FRMPD4: variants seen among roughly 807,000 people sequenced by gnomAD.
FRMPD4 encodes the protein FERM and PDZ domain containing 4.
Under a neutral mutation model 94.1 loss-of-function variants are expected in FRMPD4, and 22 were observed. The observed-to-expected ratio is 0.23, with a 90% CI of 0.17 to 0.33. The LOEUF is 0.33. Among genes scored for constraint, FRMPD4 ranks in the 10% least tolerant of loss-of-function variants. FRMPD4 has a pLI of 1.00. For missense variants in FRMPD4, 1,111 were observed against 1,339.9 expected, an observed-to-expected ratio of 0.83 and a Z score of 2.67; for synonymous variants, 631 against 548.6, an observed-to-expected ratio of 1.15 and a Z score of -2.10.
At chrX:11,991,716 A>G (rs2054465574) in intron 3 of FRMPD4, among the ~76,000 whole-genome samples, 3 of 112,169 alleles carry the variant, frequency 2.7e-5, no homozygotes, top group Non-Finnish European at 5.6e-5. Context: ...AATTTAAGTC[A>G]TTTGCCTTTT....
chrX:12,268,291 G>A (rs1383014435), intron 1 of FRMPD4, among the ~76,000 whole-genome samples: 1 of 112,567 alleles, frequency 8.9e-6, no homozygotes, highest in Admixed American at 9.3e-5. Context: ...TGTTTGCCCA[G>A]CAAGAGGAGG....
chrX:12,164,962 T>G (rs1161625782), intron 1 of FRMPD4, among the ~76,000 whole-genome samples: 2 of 112,198 alleles, frequency 1.8e-5, no homozygotes, highest in Admixed American at 1.9e-4. Context: ...CTTTGTCAGA[T>G]GAGTAGGTTG....
chrX:12,691,586 C>CTCTCATG (rs1371960313), intron 8 of FRMPD4, among the ~76,000 whole-genome samples: 2 of 111,704 alleles, frequency 1.8e-5, no homozygotes, highest in Non-Finnish European at 3.8e-5. Flanking sequence ...TATACAGAAT[C>CTCTCATG]TCTCATGTGA....
chrX:11,862,885 T>C (rs1302125368), intron 1 of FRMPD4, among the ~76,000 whole-genome samples: 1 of 109,346 alleles, frequency 9.1e-6, no homozygotes, highest in Non-Finnish European at 1.9e-5. Flanking sequence ...TTGATGTCTA[T>C]AACTTTGTGG....
chrX:12,681,668 G>A (rs2059973043), intron 5 of FRMPD4, among the ~76,000 whole-genome samples: 1 of 106,721 alleles, frequency 9.4e-6, no homozygotes, highest in South Asian at 4.2e-4. Context: ...GGATTCTCCT[G>A]GTATTAAAGC....
In FRMPD4 at chrX:12,052,121, C is replaced by T. The variant is rs780396886; in HGVS notation, c.95+174103C>T. Among the ~76,000 whole-genome samples the T allele has an allele frequency of 3.6e-5, 4 of 111,564 alleles. No homozygotes were observed. In the South Asian group the frequency reaches 1.5e-3, roughly 42 times the overall value. On this transcript the variant is annotated intron_variant, in intron 3 of 18. Coordinates refer to the FRMPD4 transcript ENST00000640291. ...TATGAGATATGTCTAATAAACATGG[C>T]AATAAGGTCCAATGGCATTCGGCCT...
chrX:11,984,347 T>C (rs1453357997), intron 3 of FRMPD4, among the ~76,000 whole-genome samples: 1 of 112,552 alleles, frequency 8.9e-6, no homozygotes, highest in Non-Finnish European at 1.9e-5. Context: ...ACTGGACCAC[T>C]TCAACCTCTT....
intron 3 of FRMPD4, among the ~76,000 whole-genome samples, chrX:11,898,832 G>A (rs1279100252): frequency 8.9e-6 from 1 of 111,843 alleles, no homozygotes; most frequent in Non-Finnish European, 1.9e-5. Flanking sequence ...TTGGCTGTGT[G>A]CTATGAGAGT....
At chrX:11,972,454 G>T (rs978114486) in intron 3 of FRMPD4, among the ~76,000 whole-genome samples, 3 of 112,324 alleles carry the variant, frequency 2.7e-5, no homozygotes, top group African/African-American at 9.7e-5. Context: ...TTGCAGAGGA[G>T]TTTTCCAGGG....
At chrX:11,935,269 G>GTGTT (rs2054150811) in intron 3 of FRMPD4, among the ~76,000 whole-genome samples, 2 of 5,011 alleles carry the variant, frequency 4.0e-4, no homozygotes, top group Non-Finnish European at 3.4e-4. Flanking sequence ...TTTTTAATGT[G>GTGTT]TTTTTTTTTT....
intron 10 of FRMPD4, 96 bp downstream of exon 10, chrX:12,702,106 G>A: frequency 1.1e-6 from 1 of 892,699 alleles, no homozygotes; most frequent in Non-Finnish European, 1.6e-6. Flanking sequence ...GATCTTGTTT[G>A]TGTCAAAGCA....
At chrX:12,419,210 A>T (rs1381336136) in intron 1 of FRMPD4, among the ~76,000 whole-genome samples, 1 of 109,681 alleles carries the variant, frequency 9.1e-6, no homozygotes, top group Non-Finnish European at 1.9e-5. Context: ...ATACTACATC[A>T]CCTCCTCCCC....
chrX:12,370,867 A>G (rs1045831979), intron 1 of FRMPD4, among the ~76,000 whole-genome samples: 2 of 112,199 alleles, frequency 1.8e-5, no homozygotes, highest in African/African-American at 3.2e-5. Context: ...TTTGGAACCC[A>G]GAAAGCATCT....
chrX:12,308,421 G>A (rs1335115517), intron 1 of FRMPD4, among the ~76,000 whole-genome samples: 1 of 111,403 alleles, frequency 9.0e-6, no homozygotes, highest in Non-Finnish European at 1.9e-5. Context: ...CTGTTACTGC[G>A]ACCACACAGA....
At chrX:12,657,061 G>A (rs2059664643) in intron 4 of FRMPD4, among the ~76,000 whole-genome samples, 1 of 105,878 alleles carries the variant, frequency 9.4e-6, no homozygotes, top group African/African-American at 3.5e-5. Context: ...ACTCCAGCCT[G>A]GGCAACAAGA....
intron 1 of FRMPD4, among the ~76,000 whole-genome samples, chrX:12,173,699 C>T (rs1197002804): frequency 9.0e-6 from 1 of 111,132 alleles, no homozygotes; most frequent in Non-Finnish European, 1.9e-5. Context: ...TAAAGTGGGG[C>T]CTCTGGTCTT....
At chrX:11,886,592 A>G (rs999235382) in intron 3 of FRMPD4, among the ~76,000 whole-genome samples, 1 of 111,399 alleles carries the variant, frequency 9.0e-6, no homozygotes, top group Non-Finnish European at 1.9e-5. Context: ...AGGGGACTGA[A>G]GCTAATGGGT....
At chrX:12,648,451 A>G (rs1358597743) in intron 4 of FRMPD4, among the ~76,000 whole-genome samples, 2 of 111,160 alleles carry the variant, frequency 1.8e-5, no homozygotes, top group African/African-American at 6.5e-5. Context: ...TCCCTCCTAT[A>G]TCTCGCATGT....
chrX:12,291,825 G>A (rs986314740), intron 1 of FRMPD4, among the ~76,000 whole-genome samples: 1 of 111,575 alleles, frequency 9.0e-6, no homozygotes, highest in African/African-American at 3.3e-5. Context: ...TCTGCTGGGG[G>A]TTGTTGTATC....
Sources: gnomAD v4.1 joint callset for allele counts (sites outside exome capture counted in the v4.1 genomes callset) on GRCh38, gnomAD v4.1.1 for gene constraint, MANE v1.5 for transcripts, NCBI Gene and HGNC (gene_info 2026-07-23, HGNC 2026-07-21) for gene names.